Variants in INSR observed in about 807,000 individuals in gnomAD.
INSR encodes the protein insulin receptor, also known as IR.
INSR carries 67 observed loss-of-function variants against 142.6 expected under a neutral mutation model. The ratio of observed to expected loss-of-function variants is 0.47; its 90% CI spans 0.39 to 0.58. The LOEUF (loss-of-function observed/expected upper bound fraction) is 0.58. Among genes scored for constraint, INSR ranks in the 20% least tolerant of loss-of-function variants. INSR has a pLI of 0.00. For synonymous variants in INSR, 756 were observed against 743.1 expected (o/e 1.02, Z -0.28); for missense variants, 1,248 against 1,833.2 (o/e 0.68, Z 5.83).
At chr19:7,120,256 C>T (rs1032438566) in intron 20 of INSR, among the ~76,000 whole-genome samples, 1 of 152,204 alleles carries the variant, frequency 6.6e-6, no homozygotes, top group Non-Finnish European at 1.5e-5. Context: ...CAATGTTCAT[C>T]TTATATATGT....
chr19:7,275,703 C>T (rs1396176559), intron 1 of INSR, among the ~76,000 whole-genome samples: 3 of 151,500 alleles, frequency 2.0e-5, no homozygotes, highest in African/African-American at 7.3e-5. Context: ...AGGAGAATCG[C>T]TTGAACCTGG....
chr19:7,119,271 T>C lies in INSR; in HGVS notation c.3794+178A>G, dbSNP rs1388356439. On this transcript the variant is annotated intron_variant, in intron 21 of 21. Transcript: ENST00000302850. This position sits in a 1 kb window ranked among gnomAD's most constrained non-coding sequence, Gnocchi z 5.2. Reference sequence around the variant, plus strand: ...CTCAAGTGTGTGTACCACAATGCAATATGCAAATGCAAGCATGCATGTAAA... The same window carrying C: ...CTCAAGTGTGTGTACCACAATGCAACATGCAAATGCAAGCATGCATGTAAA... Among the ~76,000 whole-genome samples the C allele has an allele frequency of 6.6e-6, 1 of 152,142 alleles. No homozygotes were observed. Among genetic ancestry groups the C allele is most frequent in the Non-Finnish European group, 1.5e-5 (1 of 68,028 alleles).
intron 2 of INSR, among the ~76,000 whole-genome samples, chr19:7,195,943 T>C (rs1974735737): frequency 6.8e-6 from 1 of 148,112 alleles, no homozygotes. Flanking sequence ...TTTTTTTTTT[T>C]TTTTTGTTTG....
At chr19:7,271,068 A>G (rs34734821) in intron 1 of INSR, among the ~76,000 whole-genome samples, 12,798 of 152,080 alleles carry the variant, frequency 0.084, 587 homozygotes, top group Middle Eastern at 0.12. Context: ...TCTCAAAAAA[A>G]AAACAGAAAA....
At chr19:7,171,161 G>C (rs1256128793) in intron 5 of INSR, among the ~76,000 whole-genome samples, 1 of 152,108 alleles carries the variant, frequency 6.6e-6, no homozygotes, top group Non-Finnish European at 1.5e-5. Flanking sequence ...TTGCATGCCA[G>C]ACCAAGACCA....
In INSR at chr19:7,293,964, G is replaced by A; in HGVS notation, c.-73C>T. On this transcript the variant is annotated 5_prime_UTR_variant, in exon 1 of 22. Coordinates refer to ENST00000302850, the MANE Select transcript of INSR (RefSeq NM_000208.4). ...CCCGCGGGGGTCATGCTCCGAGGCG[G>A]CCACCCAAGAGGCGCTGGGGGCCGC... 1 of 1,142,776 alleles carries A rather than the reference G, an allele frequency of 8.8e-7. No homozygotes were observed. The highest frequency in any genetic ancestry group is 4.4e-5 in the East Asian group (1 of 22,544). The allele number at this position is 1,142,776 out of a possible 1,614,324, so 70.8% of individuals were successfully genotyped here.
chr19:7,206,761 C>T (rs1032066053), intron 2 of INSR, among the ~76,000 whole-genome samples: 4 of 151,910 alleles, frequency 2.6e-5, no homozygotes, highest in African/African-American at 9.7e-5. Context: ...TCAACAACAA[C>T]GACCACAACA....
intron 2 of INSR, among the ~76,000 whole-genome samples, chr19:7,237,431 C>T (rs946022128): frequency 5.3e-5 from 8 of 150,772 alleles, no homozygotes; most frequent in African/African-American, 1.2e-4. Context: ...GCAGAAGAAT[C>T]GCTTGAACCG....
intron 3 of INSR, among the ~76,000 whole-genome samples, chr19:7,179,902 A>G (rs1459718513): frequency 6.6e-6 from 1 of 152,168 alleles, no homozygotes; most frequent in Non-Finnish European, 1.5e-5. Context: ...GCTTGGCCAT[A>G]TGGCTTGCTT....
rs533692718 is a variant in INSR at position 7,175,850 on chromosome 19, T to C, written c.975-1119A>G. On this transcript the variant is annotated intron_variant, in intron 3 of 21. Transcript: ENST00000302850. ...CTCCATCTCAAAAAAAAAAAAAGTC[T>C]CCCAACATTGCCAAAAGTCCCCTGG... Among the ~76,000 whole-genome samples, 47 of 150,248 alleles carry C rather than the reference T, an allele frequency of 3.1e-4. No homozygotes were observed. The East Asian group carries it at 5.7e-3, about 18-fold the overall frequency.
intron 11 of INSR, among the ~76,000 whole-genome samples, chr19:7,145,870 T>C (rs1973172475): frequency 6.6e-6 from 1 of 152,244 alleles, no homozygotes; most frequent in African/African-American, 2.4e-5. Flanking sequence ...GGGGCTTCCT[T>C]GTTTTGTTCC....
chr19:7,292,519 C>G (rs933095029), intron 1 of INSR, among the ~76,000 whole-genome samples: 1 of 151,158 alleles, frequency 6.6e-6, no homozygotes, highest in African/African-American at 2.4e-5. Flanking sequence ...TTGACAGAGT[C>G]GACTCAGCAA....
chr19:7,117,065 A>C lies in INSR; in HGVS notation c.4140T>G (p.Asn1380Lys). Reference protein sequence around the residue: ...NGRILTLPRSNPS With the variant: ...NGRILTLPRSKPS ...GCCACGGTAGGCACTGTTAGGAAGG[A>C]TTGGACCGAGGCAAGGTCAGAATCC... Residue 1380 changes from asparagine (N) to lysine (K), a missense_variant, in exon 22 of 22, where the codon AAT (asparagine) becomes AAG (lysine). Coordinates refer to ENST00000302850, the MANE Select transcript of INSR (RefSeq NM_000208.4). 1 of 1,613,820 alleles carries C rather than the reference A, an allele frequency of 6.2e-7. No homozygotes were observed. The highest frequency in any genetic ancestry group is 8.5e-7 in the Non-Finnish European group (1 of 1,179,792).
intron 2 of INSR, among the ~76,000 whole-genome samples, chr19:7,209,049 A>G (rs1229122471): frequency 6.6e-6 from 1 of 152,136 alleles, no homozygotes; most frequent in African/African-American, 2.4e-5. Context: ...GATCCCAGCT[A>G]CTCAGGAGGC....
Position 7,150,524 on chromosome 19 carries a change from G to C in INSR, c.2240C>G (p.Ser747Cys). 6.2e-7 allele frequency: 1 copy of C among 1,614,192 alleles called. No homozygotes were observed. The highest frequency in any genetic ancestry group is 8.5e-7 in the Non-Finnish European group (1 of 1,180,028). ...AGGGTCCTCGGCACCAGTGCCTGAA[G>C]AGGTTTTTCTGTGGAAACAAAACCA... ...HNVVFVPRKTSSGTGAEDPRP... is the reference protein window; with the variant it reads ...HNVVFVPRKTCSGTGAEDPRP... The change falls in exon 11 of 22, where the codon TCT (serine) becomes TGT (cysteine). Residue 747 changes from serine to cysteine, a missense_variant. Physicochemically the swap from Ser to Cys is moderately radical, Grantham distance 112. Coordinates refer to ENST00000302850, the MANE Select transcript of INSR (RefSeq NM_000208.4). This position sits in a 1 kb window ranked among gnomAD's most constrained non-coding sequence, Gnocchi z 4.2.
chr19:7,114,415 A>G lies in INSR; in HGVS notation c.*2641T>C, dbSNP rs906452510. The G allele has an allele frequency of 1.7e-4, 26 of 152,204 alleles. No homozygotes were observed. The highest frequency in any genetic ancestry group is 6.3e-4 in the African/African-American group (26 of 41,440). 9.4% of individuals were successfully genotyped at this position (152,204 alleles called of 1,614,324 possible). The stretch of plus-strand genomic sequence containing the variant: ...TGTTTGGGGAACATAGTGACAATAG[A>G]TGGAGGATTTTTTTTTAAAGGAAGA... On this transcript the variant is annotated 3_prime_UTR_variant, in exon 22 of 22. Coordinates refer to ENST00000302850, the MANE Select transcript of INSR (RefSeq NM_000208.4).
intron 2 of INSR, among the ~76,000 whole-genome samples, chr19:7,185,952 T>C (rs1403421222): frequency 6.7e-6 from 1 of 149,386 alleles, no homozygotes. Flanking sequence ...CCTAGCACTT[T>C]GGGAGGCCAA....
chr19:7,166,489 T>A lies in INSR; in HGVS notation c.1611-85A>T. The A allele has an allele frequency of 7.0e-7, 1 of 1,424,004 alleles. No individual in the cohort carries two copies. Among genetic ancestry groups the A allele is most frequent in the Non-Finnish European group, 9.7e-7 (1 of 1,029,964 alleles). The allele number at this position is 1,424,004 out of a possible 1,614,324, so 88.2% of individuals were successfully genotyped here. ...TGCAGATGAGGCCTGGGAAGTTACA[T>A]CCCATAGGGTCACATGTTACTCACC... On this transcript the variant is annotated intron_variant, in intron 7 of 21. Transcript: ENST00000302850. This position sits in a 1 kb window ranked among gnomAD's most constrained non-coding sequence, Gnocchi z 4.1.
intron 9 of INSR, 85 bp downstream of exon 9, chr19:7,162,947 T>C: frequency 1.5e-6 from 2 of 1,315,894 alleles, no homozygotes; most frequent in Non-Finnish European, 2.2e-6. Flanking sequence ...CAGGAAGAGA[T>C]AGCTGCTTCC....
Sources: gnomAD v4.1 joint callset for allele counts (sites outside exome capture counted in the v4.1 genomes callset) on GRCh38, gnomAD v4.1.1 for gene constraint, Gnocchi (gnomAD v3.1) non-coding constraint, MANE v1.5 for transcripts, NCBI Gene and HGNC (gene_info 2026-07-23, HGNC 2026-07-21) for gene names.